Variants in ACTR3 observed in about 807,000 individuals in gnomAD.
ACTR3 encodes the protein actin-related protein 3.
ACTR3 carries 12 observed loss-of-function variants against 56.8 expected under a neutral mutation model. The observed-to-expected ratio is 0.21, with a 90% CI of 0.14 to 0.34. The LOEUF is 0.34. ACTR3 is among the 10% of genes least tolerant of loss of function. The pLI, the probability that ACTR3 is intolerant of heterozygous loss-of-function variation, is 1.00. For missense variants in ACTR3, 282 were observed against 512.5 expected (o/e 0.55, Z 4.34); for synonymous variants, 162 against 167.4 (o/e 0.97, Z 0.25).
At chr2:113,934,650 G>C in intron 6 of ACTR3, 1 of 232,544 alleles carries the variant, frequency 4.3e-6, no homozygotes, top group South Asian at 9.5e-5. Context: ...CTTTCATTCT[G>C]TTTTCCAGTT....
intron 1 of ACTR3, among the ~76,000 whole-genome samples, chr2:113,893,551 C>T (rs1289728396): frequency 1.3e-5 from 2 of 152,188 alleles, no homozygotes; most frequent in African/African-American, 4.8e-5. Context: ...CTCAACCTCC[C>T]AAAGTGCTGG....
At chr2:113,915,430 A>G (rs954104699) in intron 2 of ACTR3, among the ~76,000 whole-genome samples, 3 of 152,188 alleles carry the variant, frequency 2.0e-5, no homozygotes, top group African/African-American at 7.2e-5. Context: ...GGCCACCTTG[A>G]TAACTTCGTT....
At chr2:113,940,171 ATTT>A in intron 7 of ACTR3, 69 bp downstream of exon 7, 1 of 1,361,474 alleles carries the variant, frequency 7.3e-7, no homozygotes, top group African/African-American at 1.5e-5. Flanking sequence ...AACGTGAGAA[ATTT>A]TTAATAGAAG....
At chr2:113,937,020 G>A (rs543267391) in intron 6 of ACTR3, among the ~76,000 whole-genome samples, 10 of 152,218 alleles carry the variant, frequency 6.6e-5, no homozygotes, top group African/African-American at 2.2e-4. Context: ...AAACAGTCAC[G>A]TTCTGAGATA....
intron 1 of ACTR3, among the ~76,000 whole-genome samples, chr2:113,905,543 A>G (rs1452327649): frequency 6.6e-6 from 1 of 151,992 alleles, no homozygotes; most frequent in Non-Finnish European, 1.5e-5. Context: ...TGTGCAGTTT[A>G]GTGGCATAAA....
At chr2:113,898,639 A>G (rs1679049613) in intron 1 of ACTR3, among the ~76,000 whole-genome samples, 1 of 152,226 alleles carries the variant, frequency 6.6e-6, no homozygotes, top group Non-Finnish European at 1.5e-5. Flanking sequence ...TAATGTTTTA[A>G]ACCAAGTTTA....
chr2:113,916,922 G>A lies in ACTR3; in HGVS notation c.139G>A (p.Ala47Thr), dbSNP rs1267718127. ...IKESAKVGDQ[A>T]QRRVMKGVDD... ...GGAGTCAGCAAAAGTGGGTGATCAA[G>A]CTCAAAGGAGGGTGATGAAAGGTGT... Residue 47 changes from alanine (A) to threonine (T), a missense_variant, in exon 3 of 12, where the codon GCT becomes ACT. Transcript: ENST00000263238. 1 of 1,610,054 alleles carries A rather than the reference G, an allele frequency of 6.2e-7. No homozygotes were observed. The highest frequency in any genetic ancestry group is 1.7e-5 in the Admixed American group (1 of 59,734).
At chr2:113,924,887 C>CTATT (rs139963909) in intron 3 of ACTR3, among the ~76,000 whole-genome samples, 42,605 of 149,948 alleles carry the variant, frequency 0.28, 7,323 homozygotes, top group Middle Eastern at 0.42. Flanking sequence ...ATTCAAGGAA[C>CTATT]TATTTATTTA....
rs1236764523 is a variant in ACTR3, at chr2:113,959,551, C to G, written c.*2096C>G. 1 of 152,156 alleles carries G rather than the reference C, an allele frequency of 6.6e-6. No homozygotes were observed. Among genetic ancestry groups the G allele is most frequent in the East Asian group, 1.9e-4 (1 of 5,186 alleles). 9.4% of individuals were successfully genotyped at this position (152,156 alleles called of 1,614,324 possible). ...AGATCAAAAACTTTCTTGAAGCTTA[C>G]GCTTAACTTATTTGGGGAAACAAAA... On this transcript the variant is annotated 3_prime_UTR_variant, in exon 12 of 12. Transcript: ENST00000263238.
chr2:113,890,378 C>CG lies in ACTR3; in HGVS notation c.44+60dup, dbSNP rs1559448855. The CG allele has an allele frequency of 2.3e-5, 8 of 350,738 alleles. No individual in the cohort carries two copies. The East Asian group carries it at 5.1e-4, about 22-fold the overall frequency. 21.7% of individuals were successfully genotyped at this position (350,738 alleles called of 1,614,324 possible). A position where few individuals can be genotyped will look rare whatever the true frequency, so the allele number is the denominator to read the frequency against. On this transcript the variant is annotated intron_variant, in intron 1 of 11. Transcript: ENST00000263238. ...AACTGAGGCGGAGGAAGGAAGATGGCGGGGGAGGGAGGAGGCCGGGAAATG... is the reference window on the plus strand; with the variant it reads ...AACTGAGGCGGAGGAAGGAAGATGGCGGGGGGAGGGAGGAGGCCGGGAAATG...
At chr2:113,912,822 A>G (rs1325130971) in intron 1 of ACTR3, among the ~76,000 whole-genome samples, 1 of 152,230 alleles carries the variant, frequency 6.6e-6, no homozygotes, top group Admixed American at 6.5e-5. Flanking sequence ...ATAATATTCC[A>G]TAGTATAAAC....
At chr2:113,908,585 A>T (rs931924297) in intron 1 of ACTR3, among the ~76,000 whole-genome samples, 4 of 151,992 alleles carry the variant, frequency 2.6e-5, no homozygotes, top group Admixed American at 6.5e-5. Context: ...TTATATGAGC[A>T]TTAAAAAGTA....
intron 3 of ACTR3, among the ~76,000 whole-genome samples, chr2:113,924,054 CTTTTTTTTT>C (rs35658755): frequency 7.4e-6 from 1 of 134,972 alleles, no homozygotes; most frequent in South Asian, 2.3e-4. Context: ...ACTTTTTTCT[CTTTTTTTTT>C]TTTTTTTTGA....
intron 1 of ACTR3, among the ~76,000 whole-genome samples, chr2:113,903,610 A>C (rs1205708061): frequency 1.4e-5 from 2 of 147,352 alleles, no homozygotes; most frequent in Non-Finnish European, 3.0e-5. Context: ...ATCTCGGCTC[A>C]CTGAAACCTC....
intron 5 of ACTR3, among the ~76,000 whole-genome samples, chr2:113,933,144 A>G (rs186548136): frequency 6.6e-6 from 1 of 152,312 alleles, no homozygotes; most frequent in Admixed American, 6.5e-5. Context: ...TAATTAAATC[A>G]TAGTAGTATT....
chr2:113,960,474 T>C lies in ACTR3; in HGVS notation c.*3019T>C, dbSNP rs1421563590. ...GGCCAATTATGATCTTTATTTTTAA[T>C]TTCTACAGAAAAGTACTAGAGAATA... On this transcript the variant is annotated 3_prime_UTR_variant, in exon 12 of 12. Coordinates refer to ENST00000263238, the MANE Select transcript of ACTR3 (RefSeq NM_005721.5). The C allele has an allele frequency of 6.6e-6, 1 of 152,160 alleles. No individual in the cohort carries two copies. The highest frequency in any genetic ancestry group is 3.4e-3 in the Middle Eastern group (1 of 294). The allele number at this position is 152,160 out of a possible 1,614,324, so 9.4% of individuals were successfully genotyped here. A position where few individuals can be genotyped will look rare whatever the true frequency, so the allele number is the denominator to read the frequency against.
intron 2 of ACTR3, among the ~76,000 whole-genome samples, chr2:113,915,354 A>G (rs1679385620): frequency 6.6e-6 from 1 of 152,138 alleles, no homozygotes; most frequent in Non-Finnish European, 1.5e-5. Flanking sequence ...TCTTTACATC[A>G]TCATCCTTCT....
intron 4 of ACTR3, among the ~76,000 whole-genome samples, chr2:113,930,738 C>T (rs1679706101): frequency 6.6e-6 from 1 of 152,192 alleles, no homozygotes. Context: ...TGTATACAGT[C>T]ACATAAACAG....
intron 7 of ACTR3, among the ~76,000 whole-genome samples, chr2:113,941,436 A>G (rs971151487): frequency 3.3e-5 from 5 of 152,144 alleles, no homozygotes; most frequent in Non-Finnish European, 5.9e-5. Flanking sequence ...GTGTAATCAA[A>G]TGTCTTCGGA....
Sources: allele counts gnomAD v4.1 joint callset (sites outside exome capture counted in the v4.1 genomes callset), GRCh38; gene constraint gnomAD v4.1.1; transcripts MANE v1.5; gene names NCBI Gene and HGNC (gene_info 2026-07-23, HGNC 2026-07-21).